The following CASZ1 variants were observed in gnomAD, a reference collection of about 807,000 sequenced individuals.
CASZ1 encodes zinc finger protein castor homolog 1.
In CASZ1, 28 loss-of-function variants were observed where a neutral mutation model predicts 135.2. The observed-to-expected ratio is 0.21, with a 90% CI of 0.15 to 0.28. The LOEUF (loss-of-function observed/expected upper bound fraction) is 0.28, where lower values mean the gene tolerates loss of function less well. CASZ1 is among the 10% of genes least tolerant of loss of function. The pLI is 1.00. For missense variants in CASZ1, 2,161 were observed against 2,453.3 expected, an observed-to-expected ratio of 0.88 and a Z score of 2.52; for synonymous variants, 1,068 against 1,073.4, an observed-to-expected ratio of 0.99 and a Z score of 0.10.
In CASZ1 at chr1:10,653,565, G is replaced by A; in HGVS notation, c.2492C>T (p.Ser831Leu). ...LGAVSSGSAASATPDTPTLVA... is the reference protein window; with the variant it reads ...LGAVSSGSAALATPDTPTLVA... ...CAGCGTGGGTGTGTCAGGGGTGGCTGAGGCTGCTGACCCAGACGACACGGC... is the reference window on the plus strand; with the variant it reads ...CAGCGTGGGTGTGTCAGGGGTGGCTAAGGCTGCTGACCCAGACGACACGGC... The change falls in exon 11 of 21, where the codon TCA becomes TTA. Residue 831 changes from serine (S) to leucine (L), a missense_variant. Around this residue, in one of 7 missense-constraint regions of CASZ1, gnomAD observed 406 missense variants for 387.6 expected, o/e 1.05. Coordinates refer to ENST00000377022, the MANE Select transcript of CASZ1 (RefSeq NM_001079843.3). 6.3e-7 allele frequency: 1 copy of A among 1,577,690 alleles called. No individual in the cohort carries two copies. Among genetic ancestry groups the A allele is most frequent in the Non-Finnish European group, 8.6e-7 (1 of 1,159,660 alleles).
At chr1:10,785,094 C>T (rs1321062370) in intron 1 of CASZ1, among the ~76,000 whole-genome samples, 1 of 42,918 alleles carries the variant, frequency 2.3e-5, no homozygotes, top group Non-Finnish European at 7.5e-5. Context: ...TCCTTCCTTT[C>T]CTCTCTTTCT....
chr1:10,723,054 G>A (rs1185711855), intron 2 of CASZ1, among the ~76,000 whole-genome samples: 2 of 152,256 alleles, frequency 1.3e-5, no homozygotes, highest in African/African-American at 2.4e-5. Flanking sequence ...GGGTGCAGAC[G>A]GGAGGTGCGC....
chr1:10,782,938 G>A (rs927919661), intron 1 of CASZ1, among the ~76,000 whole-genome samples: 5 of 152,198 alleles, frequency 3.3e-5, no homozygotes, highest in Non-Finnish European at 7.3e-5. Flanking sequence ...TGGAGGGTGG[G>A]GGAAGCTTGT....
chr1:10,743,743 C>T (rs897441639), intron 2 of CASZ1, among the ~76,000 whole-genome samples: 9 of 151,560 alleles, frequency 5.9e-5, no homozygotes, highest in Non-Finnish European at 4.4e-5. Context: ...GTGCCCCTCT[C>T]CAGCCTTGGA....
At chr1:10,761,572 G>A (rs2100576261) in intron 1 of CASZ1, among the ~76,000 whole-genome samples, 1 of 152,268 alleles carries the variant, frequency 6.6e-6, no homozygotes, top group Non-Finnish European at 1.5e-5. Context: ...AAGAAAGTTG[G>A]TGCCCTGCTA....
chr1:10,658,432 C>T (rs1019211380), intron 7 of CASZ1, 76 bp downstream of exon 7: 57 of 1,259,478 alleles, frequency 4.5e-5, no homozygotes, highest in East Asian at 3.5e-4. Context: ...AGATATCAAA[C>T]GAATGGCCTC....
intron 5 of CASZ1, among the ~76,000 whole-genome samples, chr1:10,664,228 A>T (rs1643151502): frequency 2.0e-5 from 3 of 152,010 alleles, no homozygotes; most frequent in Admixed American, 1.3e-4. Flanking sequence ...GGGAGCGGGC[A>T]GGGGAGGCGC....
At chr1:10,695,691 T>C (rs1251700132) in intron 3 of CASZ1, among the ~76,000 whole-genome samples, 7 of 151,698 alleles carry the variant, frequency 4.6e-5, no homozygotes, top group Non-Finnish European at 8.8e-5. Context: ...CGTGCTCCTC[T>C]TTCTTTTCTG....
At chr1:10,745,368 T>C (rs1640019754) in intron 2 of CASZ1, among the ~76,000 whole-genome samples, 1 of 149,406 alleles carries the variant, frequency 6.7e-6, no homozygotes, top group Non-Finnish European at 1.5e-5. Flanking sequence ...GTTCCCCAAC[T>C]GCGAGAGTAA....
intron 1 of CASZ1, among the ~76,000 whole-genome samples, chr1:10,782,724 G>A (rs906612518): frequency 5.3e-5 from 8 of 152,184 alleles, no homozygotes; most frequent in South Asian, 2.1e-4. Context: ...GATCGCTGGC[G>A]GAGCCACTGA....
At position 10,777,854 on chromosome 1, in the gene CASZ1, T is replaced by C. The variant is rs1356062182; in HGVS notation, c.-233-16997A>G. On this transcript the variant is annotated intron_variant, in intron 1 of 20. Coordinates refer to ENST00000377022, the MANE Select transcript of CASZ1 (RefSeq NM_001079843.3). This position sits in a 1 kb window ranked among gnomAD's most constrained non-coding sequence, Gnocchi z 4.4. Reference sequence around the variant, plus strand: ...CCACACACAATCTCACACACTCTCATATACAATGACTCACGATCTCACACA... The same window carrying C: ...CCACACACAATCTCACACACTCTCACATACAATGACTCACGATCTCACACA... Among the ~76,000 whole-genome samples the C allele has an allele frequency of 6.6e-6, 1 of 151,122 alleles. No individual in the cohort carries two copies. The highest frequency in any genetic ancestry group is 1.5e-5 in the Non-Finnish European group (1 of 67,718).
In CASZ1 at chr1:10,646,061, GCC is replaced by G; in HGVS notation, c.3696+65_3696+66del. 1 of 1,476,326 alleles carries G rather than the reference GCC, an allele frequency of 6.8e-7. No individual in the cohort carries two copies. The highest frequency in any genetic ancestry group is 1.1e-5 in the South Asian group (1 of 87,242). 91.5% of individuals were successfully genotyped at this position (1,476,326 alleles called of 1,614,324 possible). Reference sequence around the variant, plus strand: ...CTCTGCCAGGAGGTGACTGTCCTGTGCCCTGAGCTAGCCCTGCACCTCCCTGC... The same window carrying G: ...CTCTGCCAGGAGGTGACTGTCCTGTGCTGAGCTAGCCCTGCACCTCCCTGC... On this transcript the variant is annotated intron_variant, in intron 17 of 20. Coordinates refer to ENST00000377022, the MANE Select transcript of CASZ1 (RefSeq NM_001079843.3). This position sits in a 1 kb window ranked among gnomAD's most constrained non-coding sequence, Gnocchi z 6.4.
rs559228612 is a variant in CASZ1 at position 10,636,759 on chromosome 1, G to A, written c.*2183C>T. On this transcript the variant is annotated 3_prime_UTR_variant, in exon 21 of 21. Transcript: ENST00000377022. The stretch of plus-strand genomic sequence containing the variant: ...TCAGTTCTTAATAACCAGGTGCCGA[G>A]GAGACCAGATTCAAGTAATCAGAGC... 1 of 152,332 alleles carries A rather than the reference G, an allele frequency of 6.6e-6. No homozygotes were observed. The highest frequency in any genetic ancestry group is 2.1e-4 in the South Asian group (1 of 4,824). The allele number at this position is 152,332 out of a possible 1,614,324, so 9.4% of individuals were successfully genotyped here.
intron 4 of CASZ1, among the ~76,000 whole-genome samples, chr1:10,670,804 G>A (rs369237960): frequency 2.2e-4 from 33 of 152,294 alleles, no homozygotes; most frequent in East Asian, 9.7e-4. Context: ...CCGCCTGAAC[G>A]GTTCCTTCCC....
At chr1:10,653,220 A>G (rs1642654752) in intron 11 of CASZ1, 157 bp downstream of exon 11, 1 of 805,598 alleles carries the variant, frequency 1.2e-6, no homozygotes, top group African/African-American at 1.7e-5. Flanking sequence ...AACCAACAGG[A>G]TGGGGGCGAA....
chr1:10,684,401 C>T (rs945351099), intron 4 of CASZ1, among the ~76,000 whole-genome samples: 2 of 152,182 alleles, frequency 1.3e-5, no homozygotes, highest in Non-Finnish European at 2.9e-5. Flanking sequence ...CCAGCACACG[C>T]GCCTAGTGGA....
chr1:10,756,757 G>A lies in CASZ1; in HGVS notation c.-77+3944C>T, dbSNP rs1013044097. 6.6e-6 allele frequency among the ~76,000 whole-genome samples: 1 copy of A among 152,216 alleles called. No homozygotes were observed. Among genetic ancestry groups the A allele is most frequent in the African/African-American group, 2.4e-5 (1 of 41,446 alleles). On this transcript the variant is annotated intron_variant, in intron 2 of 20. Transcript: ENST00000377022. This position sits in a 1 kb window ranked among gnomAD's most constrained non-coding sequence, Gnocchi z 5.9. ...TTAGGATCCCTGCCGATGAGCAGATGAGCAGCGGCTGGAGGCTGAGCTGAC... is the reference window on the plus strand; with the variant it reads ...TTAGGATCCCTGCCGATGAGCAGATAAGCAGCGGCTGGAGGCTGAGCTGAC...
chr1:10,693,964 G>A, intron 3 of CASZ1, 52 bp from the exon 4 acceptor site: 1 of 1,556,694 alleles, frequency 6.4e-7, no homozygotes, highest in Non-Finnish European at 8.8e-7. Context: ...CACGGGGTTA[G>A]CGTCTCGCGG....
rs1640272161 is a variant in CASZ1 at position 10,757,016 on chromosome 1, GGGC to G, written c.-77+3682_-77+3684del. 1.3e-5 allele frequency among the ~76,000 whole-genome samples: 2 copies of G among 152,162 alleles called. No homozygotes were observed. Among genetic ancestry groups the G allele is most frequent in the Non-Finnish European group, 2.9e-5 (2 of 68,024 alleles). ...CAAAGCTGGCTTCAGTGCAGAGCCA[GGGC>G]TGAAAGGATAGTGTGTGTCCTGGCC... On this transcript the variant is annotated intron_variant, in intron 2 of 20. Coordinates refer to ENST00000377022, the MANE Select transcript of CASZ1 (RefSeq NM_001079843.3). The surrounding 1 kb of genome is among the most constrained non-coding windows in gnomAD (Gnocchi z 4.6).
Sources: gnomAD v4.1 joint callset for allele counts (sites outside exome capture counted in the v4.1 genomes callset) on GRCh38, gnomAD v4.1.1 for gene constraint, gnomAD v4.1.1 regional missense constraint, Gnocchi (gnomAD v3.1) non-coding constraint, MANE v1.5 for transcripts, NCBI Gene and HGNC (gene_info 2026-07-23, HGNC 2026-07-21) for gene names.